KCNT1: variants seen among roughly 807,000 people sequenced by gnomAD.
KCNT1 encodes the protein potassium sodium-activated channel subfamily T member 1, also known as potassium channel subfamily T member 1.
Under a neutral mutation model 147.8 loss-of-function variants are expected in KCNT1, and 78 were observed. The observed-to-expected ratio is 0.53, with a 90% CI of 0.44 to 0.64. The LOEUF (loss-of-function observed/expected upper bound fraction) is 0.64. KCNT1 is among the 30% of genes least tolerant of loss of function. KCNT1 has a pLI of 0.00. For missense variants in KCNT1, 1,419 were observed against 1,750.3 expected (o/e 0.81, Z 3.38); for synonymous variants, 867 against 748.8 (o/e 1.16, Z -2.58).
intron 20 of KCNT1, among the ~76,000 whole-genome samples, chr9:135,776,024 G>C (rs914166199): frequency 1.3e-5 from 2 of 152,102 alleles, no homozygotes; most frequent in Admixed American, 1.3e-4. Context: ...GTGGGACTCT[G>C]CCTGCATGTG....
chr9:135,706,783 T>A (rs140553337), intron 1 of KCNT1, among the ~76,000 whole-genome samples: 414 of 152,270 alleles, frequency 2.7e-3, no homozygotes, highest in African/African-American at 9.4e-3. Context: ...CCAGTAGATT[T>A]TCCTGACCCC....
chr9:135,735,881 T>G (rs1313607789), intron 2 of KCNT1, among the ~76,000 whole-genome samples: 1 of 152,192 alleles, frequency 6.6e-6, no homozygotes, highest in African/African-American at 2.4e-5. Flanking sequence ...ACCCCCCGGC[T>G]GTTACCTGCC....
chr9:135,772,549 G>T (rs1167161677), intron 18 of KCNT1, among the ~76,000 whole-genome samples, 166 bp from the exon 19 acceptor site: 1 of 152,230 alleles, frequency 6.6e-6, no homozygotes, highest in African/African-American at 2.4e-5. Flanking sequence ...TGTCCCTGTT[G>T]TATGGAGGGG....
chr9:135,777,273 G>A, intron 20 of KCNT1, 65 bp from the exon 21 acceptor site: 1 of 1,535,248 alleles, frequency 6.5e-7, no homozygotes, highest in African/African-American at 1.4e-5. Context: ...GGGTCTGGGA[G>A]GGCTCCAGTG....
In KCNT1 at chr9:135,748,302, C is replaced by T. The variant is rs566549773; in HGVS notation, c.255-1796C>T. On this transcript the variant is annotated intron_variant, in intron 2 of 30. Coordinates refer to ENST00000371757, the MANE Select transcript of KCNT1 (RefSeq NM_020822.3). ...GCAGATCAAGGCAGGTGCTGGGACT[C>T]TACCAAGGCCCCTCCCGCCCGCCCC... Among the ~76,000 whole-genome samples, 11 of 152,328 alleles carry T rather than the reference C, an allele frequency of 7.2e-5. No individual in the cohort carries two copies. The Middle Eastern group carries it at 0.01, about 141-fold the overall frequency.
chr9:135,714,785 G>C lies in KCNT1; in HGVS notation c.254+65G>C. ...CCGGCGCCGCCGCACGCCCGGAGCT[G>C]TCCGCGGTGCTGACGGCCGGTCCCG... On this transcript the variant is annotated intron_variant, in intron 2 of 30. Coordinates refer to ENST00000371757, the MANE Select transcript of KCNT1 (RefSeq NM_020822.3). The surrounding 1 kb of genome is among the most constrained non-coding windows in gnomAD (Gnocchi z 6.2). 1 of 1,109,892 alleles carries C rather than the reference G, an allele frequency of 9.0e-7. No individual in the cohort carries two copies. The highest frequency in any genetic ancestry group is 1.1e-6 in the Non-Finnish European group (1 of 896,746). The allele number at this position is 1,109,892 out of a possible 1,614,324, so 68.8% of individuals were successfully genotyped here.
In KCNT1 at chr9:135,786,215, G is replaced by A. The variant is rs553389226; in HGVS notation, c.3196G>A (p.Val1066Met). ...LRAQSQISVN[V>M]EDCEDTREVK... ...TGCCCAGTCCCAGATCTCGGTGAACGTGGAGGACTGTGAGGACACACGGGA... is the reference window on the plus strand; with the variant it reads ...TGCCCAGTCCCAGATCTCGGTGAACATGGAGGACTGTGAGGACACACGGGA... The change falls in exon 29 of 31, where the codon GTG becomes ATG. Residue 1066 changes from valine (V) to methionine (M), a missense_variant. This residue lies in a region of KCNT1 where 306 missense variants were observed against 294.2 expected (regional missense o/e 1.04). Coordinates refer to ENST00000371757, the MANE Select transcript of KCNT1 (RefSeq NM_020822.3). 1.7e-5 allele frequency: 28 copies of A among 1,611,096 alleles called. No individual in the cohort carries two copies. The highest frequency in any genetic ancestry group is 1.7e-4 in the Middle Eastern group (1 of 6,058).
Position 135,765,841 on chromosome 9 carries a change from G to A in KCNT1, c.1337+81G>A, listed in dbSNP as rs10120407. 281,454 of 1,305,770 alleles carry A rather than the reference G, an allele frequency of 0.22. 32,264 individuals carry two copies. The highest frequency in any genetic ancestry group is 0.3 in the Middle Eastern group (1,091 of 3,674). The allele number at this position is 1,305,770 out of a possible 1,614,324, so 80.9% of individuals were successfully genotyped here. On this transcript the variant is annotated intron_variant, in intron 13 of 30. Coordinates refer to ENST00000371757, the MANE Select transcript of KCNT1 (RefSeq NM_020822.3). ...GCTGCTCAGGGCTGAGGCATTGACC[G>A]TCGCTCTCCTGGCCAATGAGAGCCA...
At chr9:135,785,419 CCA>C (rs1013360138) in intron 28 of KCNT1, 89 bp downstream of exon 28, 70 of 1,239,024 alleles carry the variant, frequency 5.6e-5, no homozygotes, top group Non-Finnish European at 7.0e-5. Context: ...CCCCACCCAC[CCA>C]CCCACCCACA....
chr9:135,738,201 C>T (rs1346884125), intron 2 of KCNT1, among the ~76,000 whole-genome samples: 1 of 152,256 alleles, frequency 6.6e-6, no homozygotes, highest in African/African-American at 2.4e-5. Context: ...ATGTTCATCC[C>T]AGCCCTGTGG....
At chr9:135,731,957 C>CTTATATATATATATATAT (rs1836451649) in intron 2 of KCNT1, among the ~76,000 whole-genome samples, 1 of 44,882 alleles carries the variant, frequency 2.2e-5, no homozygotes, top group Non-Finnish European at 4.4e-5. Context: ...TTCAAATATG[C>CTTATATATATATATATAT]GTGTATATAT....
At chr9:135,756,248 T>A (rs1831473526) in intron 6 of KCNT1, among the ~76,000 whole-genome samples, 1 of 152,048 alleles carries the variant, frequency 6.6e-6, no homozygotes, top group South Asian at 2.1e-4. Context: ...CTCCACACAA[T>A]TTTCCCAGGG....
intron 1 of KCNT1, among the ~76,000 whole-genome samples, chr9:135,710,695 A>G (rs1564311708): frequency 6.6e-6 from 1 of 152,206 alleles, no homozygotes; most frequent in Non-Finnish European, 1.5e-5. Flanking sequence ...GCAGCAGAAG[A>G]CGAGGGCCCT....
At chr9:135,785,432 G>C in intron 28 of KCNT1, 102 bp downstream of exon 28, 1 of 1,025,254 alleles carries the variant, frequency 9.8e-7, no homozygotes. Context: ...CCCACCCACA[G>C]GGCCCTGGGA....
chr9:135,769,484 A>G (rs1277243133), intron 15 of KCNT1, among the ~76,000 whole-genome samples: 1 of 152,204 alleles, frequency 6.6e-6, no homozygotes, highest in Admixed American at 6.5e-5. Flanking sequence ...AGGGGGTCCA[A>G]ACTCTTCAGA....
intron 1 of KCNT1, among the ~76,000 whole-genome samples, chr9:135,712,405 T>C (rs1330632092): frequency 6.6e-6 from 1 of 152,156 alleles, no homozygotes; most frequent in Non-Finnish European, 1.5e-5. Flanking sequence ...CAGGGCCCCT[T>C]GGGTCACACA....
At chr9:135,771,682 G>C (rs1026686719) in intron 18 of KCNT1, among the ~76,000 whole-genome samples, 2 of 152,194 alleles carry the variant, frequency 1.3e-5, no homozygotes, top group Non-Finnish European at 2.9e-5. Context: ...GGATCCTCCC[G>C]GGGAGCCGCT....
chr9:135,771,368 C>T (rs886404743), intron 18 of KCNT1, among the ~76,000 whole-genome samples: 1 of 152,234 alleles, frequency 6.6e-6, no homozygotes, highest in South Asian at 2.1e-4. Context: ...TTGGCCTATG[C>T]CTCCAACCTT....
rs1177972273 is a variant in KCNT1 at position 135,786,464 on chromosome 9, C to T, written c.3445C>T (p.Leu1149Phe). The T allele has an allele frequency of 3.7e-6, 6 of 1,602,676 alleles. No homozygotes were observed. In the Admixed American group the frequency reaches 6.8e-5, roughly 18 times the overall value. ...GTACCGGCGCTCTGAGCGCCAGGAG[C>T]TCTCCGAGCTGGTGAAGAACCGCAT... Reference protein sequence around the residue: ...SLYRRSERQELSELVKNRMKH... With the variant: ...SLYRRSERQEFSELVKNRMKH... The change falls in exon 29 of 31, where the codon CTC becomes TTC. Residue 1149 changes from leucine to phenylalanine, a missense_variant. By Grantham distance (22) the Leu-to-Phe change is conservative. This residue lies in a region of KCNT1 where 306 missense variants were observed against 294.2 expected (regional missense o/e 1.04). Coordinates refer to ENST00000371757, the MANE Select transcript of KCNT1 (RefSeq NM_020822.3).
Sources: gnomAD v4.1 joint callset for allele counts (sites outside exome capture counted in the v4.1 genomes callset) on GRCh38, gnomAD v4.1.1 for gene constraint, gnomAD v4.1.1 regional missense constraint, Gnocchi (gnomAD v3.1) non-coding constraint, MANE v1.5 for transcripts, NCBI Gene and HGNC (gene_info 2026-07-23, HGNC 2026-07-21) for gene names.